The following FIG4 variants were observed in gnomAD, a reference collection of about 807,000 sequenced individuals.
FIG4 encodes FIG4 phosphoinositide 5-phosphatase.
FIG4 carries 112 observed loss-of-function variants against 118.6 expected under a neutral mutation model. That is an observed-to-expected ratio of 0.94 (90% confidence interval 0.81 to 1.11). FIG4 has a LOEUF of 1.11. Among genes scored for constraint, FIG4 ranks in the 50% least tolerant of loss-of-function variants. The probability of loss-of-function intolerance (pLI) is 0.00; values close to 1 mark genes in which losing one functional copy is unlikely to be tolerated. For synonymous variants in FIG4, 369 were observed against 381.2 expected (o/e 0.97, Z 0.37); for missense variants, 969 against 1,111.7 (o/e 0.87, Z 1.83).
chr6:109,821,976 G>A (rs1447260047), intron 22 of FIG4, among the ~76,000 whole-genome samples: 3 of 152,126 alleles, frequency 2.0e-5, no homozygotes, highest in Admixed American at 2.0e-4. Context: ...GGAGTTCGAG[G>A]TTGCAGTGAG....
chr6:109,738,493 A>G (rs760105632), intron 7 of FIG4, 40 bp downstream of exon 7: 23 of 1,552,330 alleles, frequency 1.5e-5, no homozygotes, highest in Non-Finnish European at 1.7e-5. Context: ...ATATTACTAA[A>G]CTTATGATGT....
intron 3 of FIG4, among the ~76,000 whole-genome samples, chr6:109,717,306 C>G (rs963696835): frequency 1.3e-5 from 2 of 152,144 alleles, no homozygotes; most frequent in African/African-American, 4.8e-5. Context: ...TAAATATCAC[C>G]TTGCTTTGGT....
intron 1 of FIG4, among the ~76,000 whole-genome samples, chr6:109,696,171 A>G (rs549831656): frequency 2.0e-5 from 3 of 152,288 alleles, no homozygotes; most frequent in East Asian, 3.9e-4. Context: ...AAGTTTTACC[A>G]TAGATTTGAC....
rs1274786226 is a variant in FIG4 at position 109,703,978 on chromosome 6, A to G, written c.67-11100A>G. Among the ~76,000 whole-genome samples the G allele has an allele frequency of 2.0e-5, 3 of 152,036 alleles. No individual in the cohort carries two copies. In the East Asian group the frequency reaches 5.8e-4, roughly 29 times the overall value. On this transcript the variant is annotated intron_variant, in intron 1 of 22. Coordinates refer to ENST00000230124, the MANE Select transcript of FIG4 (RefSeq NM_014845.6). ...TCTCGTCACTCTCCCTACTCTCTCTAGTAGGTTTAACCCAGTCCCATGGCT... is the reference window on the plus strand; with the variant it reads ...TCTCGTCACTCTCCCTACTCTCTCTGGTAGGTTTAACCCAGTCCCATGGCT...
At chr6:109,691,651 T>A (rs1774425102) in intron 1 of FIG4, 150 bp downstream of exon 1, 1 of 754,268 alleles carries the variant, frequency 1.3e-6, no homozygotes, top group Non-Finnish European at 2.3e-6. Flanking sequence ...GTAAGCTAGC[T>A]CCCTTGAGCT....
intron 10 of FIG4, among the ~76,000 whole-genome samples, chr6:109,752,690 G>GT (rs910316279): frequency 6.6e-6 from 1 of 151,908 alleles, no homozygotes; most frequent in African/African-American, 2.4e-5. Flanking sequence ...GGGGCTGTTT[G>GT]TTTTTTTCTT....
In FIG4 at chr6:109,825,085, T is replaced by C. The variant is rs537171532; in HGVS notation, c.2547-3T>C. The C allele has an allele frequency of 6.2e-7, 1 of 1,613,074 alleles. No individual in the cohort carries two copies. Among genetic ancestry groups the C allele is most frequent in the African/African-American group, 1.3e-5 (1 of 74,924 alleles). On this transcript the variant is annotated splice_region_variant and splice_polypyrimidine_tract_variant and intron_variant, in intron 22 of 22. Transcript: ENST00000230124. Reference sequence around the variant, plus strand: ...CAGCCCTCTCTTTATTCATCTTTTATAGAACACCCATCTCGGCTTTCTCGC... The same window carrying C: ...CAGCCCTCTCTTTATTCATCTTTTACAGAACACCCATCTCGGCTTTCTCGC...
At chr6:109,700,894 A>G (rs1040411079) in intron 1 of FIG4, among the ~76,000 whole-genome samples, 2 of 152,238 alleles carry the variant, frequency 1.3e-5, no homozygotes, top group African/African-American at 4.8e-5. Context: ...GTATATTTTC[A>G]AAATCTAAGA....
chr6:109,781,622 CT>C (rs1351953856), intron 16 of FIG4, among the ~76,000 whole-genome samples: 2 of 151,538 alleles, frequency 1.3e-5, no homozygotes, highest in Admixed American at 6.6e-5. Flanking sequence ...AGCTTCCTGT[CT>C]GTTAGAACTC....
chr6:109,783,149 T>C (rs2128395699), intron 16 of FIG4, among the ~76,000 whole-genome samples: 1 of 152,318 alleles, frequency 6.6e-6, no homozygotes, highest in East Asian at 1.9e-4. Context: ...TCAGTATGAA[T>C]AGCTAATGGA....
At chr6:109,715,009 T>A (rs1562642260) in intron 1 of FIG4, 69 bp from the exon 2 acceptor site, 1 of 810,076 alleles carries the variant, frequency 1.2e-6, no homozygotes, top group Non-Finnish European at 2.1e-6. Flanking sequence ...TTTCAAAAAC[T>A]AAAGTGGTAT....
At chr6:109,768,625 G>C (rs944375700) in intron 15 of FIG4, among the ~76,000 whole-genome samples, 3 of 152,176 alleles carry the variant, frequency 2.0e-5, no homozygotes, top group Non-Finnish European at 4.4e-5. Context: ...TCAGTTCCTT[G>C]TGGCTGTAGG....
At chr6:109,730,835 T>C (rs1775978042) in intron 4 of FIG4, among the ~76,000 whole-genome samples, 1 of 152,158 alleles carries the variant, frequency 6.6e-6, no homozygotes, top group Non-Finnish European at 1.5e-5. Context: ...TGGAAAAGGA[T>C]TTTACAAACA....
chr6:109,805,056 T>A (rs1179524877), intron 22 of FIG4, among the ~76,000 whole-genome samples: 1 of 152,216 alleles, frequency 6.6e-6, no homozygotes, highest in Admixed American at 6.5e-5. Context: ...TAAATATTTG[T>A]AAGTTTTTAC....
intron 15 of FIG4, among the ~76,000 whole-genome samples, chr6:109,771,761 G>A (rs977711590): frequency 2.0e-5 from 3 of 152,128 alleles, no homozygotes; most frequent in Non-Finnish European, 2.9e-5. Context: ...GTATTACAAT[G>A]CTTGTGGTGG....
intron 3 of FIG4, among the ~76,000 whole-genome samples, chr6:109,724,108 G>A (rs1775702071): frequency 6.6e-6 from 1 of 152,096 alleles, no homozygotes; most frequent in Admixed American, 6.6e-5. Context: ...GTTGTTTTAA[G>A]GCGGGGGGTG....
chr6:109,768,574 A>G (rs1033201827), intron 15 of FIG4, among the ~76,000 whole-genome samples: 4 of 152,286 alleles, frequency 2.6e-5, no homozygotes, highest in Admixed American at 1.3e-4. Flanking sequence ...CAAGGCTGCC[A>G]TTGAGAAAGA....
In FIG4 at chr6:109,741,178, G is replaced by A. The variant is rs554311148; in HGVS notation, c.776-266G>A. Among the ~76,000 whole-genome samples, 3 of 152,186 alleles carry A rather than the reference G, an allele frequency of 2.0e-5. No individual in the cohort carries two copies. The South Asian group carries it at 6.2e-4, about 32-fold the overall frequency. ...CTTACTTGGCCATAGGGCTTTCCTT[G>A]GCCAGTAACCCTACACCTGGTTACC... On this transcript the variant is annotated intron_variant, in intron 7 of 22. Coordinates refer to ENST00000230124, the MANE Select transcript of FIG4 (RefSeq NM_014845.6).
chr6:109,743,994 T>C (rs1776406930), intron 10 of FIG4, among the ~76,000 whole-genome samples: 1 of 152,048 alleles, frequency 6.6e-6, no homozygotes, highest in African/African-American at 2.4e-5. Context: ...GTAGTATATA[T>C]CTAAGGGAGT....
Sources: gnomAD v4.1 joint callset for allele counts (sites outside exome capture counted in the v4.1 genomes callset) on GRCh38, gnomAD v4.1.1 for gene constraint, MANE v1.5 for transcripts, NCBI Gene and HGNC (gene_info 2026-07-23, HGNC 2026-07-21) for gene names.